Variants in BICRA observed in about 807,000 individuals in gnomAD.
The protein encoded by BICRA is BRD4 interacting chromatin remodeling complex associated protein, also known as BRD4-interacting chromatin-remodeling complex-associated protein.
In BICRA, 31 loss-of-function variants were observed where a neutral mutation model predicts 96.9. That is an observed-to-expected ratio of 0.32 (90% confidence interval 0.24 to 0.43). The LOEUF is 0.43. Among genes scored for constraint, BICRA ranks in the 20% least tolerant of loss-of-function variants. The probability of loss-of-function intolerance (pLI) is 1.00; values close to 1 mark genes in which losing one functional copy is unlikely to be tolerated. For missense variants in BICRA, 2,283 were observed against 2,190.3 expected (o/e 1.04, Z -0.84); for synonymous variants, 1,350 against 1,071.8 (o/e 1.26, Z -5.07).
At chr19:47,620,262 G>T (rs1972045638) in intron 1 of BICRA, among the ~76,000 whole-genome samples, 1 of 152,128 alleles carries the variant, frequency 6.6e-6, no homozygotes, top group Non-Finnish European at 1.5e-5. Context: ...TGCAGTAGGT[G>T]CTCTGTAGAT....
In BICRA at chr19:47,675,715, A is replaced by G. The variant is rs896559174; in HGVS notation, c.85-136A>G. 2.2e-5 allele frequency: 16 copies of G among 711,344 alleles called. No homozygotes were observed. The highest frequency in any genetic ancestry group is 3.5e-5 in the Non-Finnish European group (14 of 401,162). 44.1% of individuals were successfully genotyped at this position (711,344 alleles called of 1,614,324 possible). ...TTTGGGGCCTCTTTTCGGAGGCGAG[A>G]GTTTCCCATACCCCCAGCCCTCTCC... is the stretch of plus-strand genomic sequence containing the variant. On this transcript the variant is annotated intron_variant, in intron 4 of 14. Coordinates refer to ENST00000594866, the MANE Select transcript of BICRA (RefSeq NM_001394372.1). This position sits in a 1 kb window ranked among gnomAD's most constrained non-coding sequence, Gnocchi z 4.7.
chr19:47,681,651 C>A (rs1032504462), intron 6 of BICRA, among the ~76,000 whole-genome samples: 3 of 151,674 alleles, frequency 2.0e-5, no homozygotes, highest in African/African-American at 7.3e-5. Flanking sequence ...ACCCGACGGA[C>A]AGAGAAGGGC....
chr19:47,608,860 A>G (rs1245165829), upstream of BICRA, among the ~76,000 whole-genome samples: 4 of 136,340 alleles, frequency 2.9e-5, no homozygotes, highest in Non-Finnish European at 6.4e-5. Context: ...AGGAGGAGGA[A>G]GGGGGTGGGG....
intron 1 of BICRA, among the ~76,000 whole-genome samples, chr19:47,655,525 CAAAAA>C (rs58172799): frequency 1.9e-3 from 124 of 65,096 alleles, no homozygotes; most frequent in Middle Eastern, 0.012. Context: ...AACTCTGTCT[CAAAAA>C]AAAAAAAAAA....
intron 5 of BICRA, among the ~76,000 whole-genome samples, chr19:47,676,966 A>G (rs925803646): frequency 2.0e-5 from 3 of 152,072 alleles, no homozygotes; most frequent in African/African-American, 7.2e-5. Flanking sequence ...TCTGGCAGTT[A>G]AGAGCTCAGG....
chr19:47,683,654 T>G (rs8113409), intron 7 of BICRA, among the ~76,000 whole-genome samples: 66,805 of 150,916 alleles, frequency 0.44, 15,227 homozygotes, highest in East Asian at 0.62. Context: ...TCGCGATCTC[T>G]GCTCACTGCA....
chr19:47,612,743 A>C (rs963965698), intron 1 of BICRA, among the ~76,000 whole-genome samples: 2 of 151,950 alleles, frequency 1.3e-5, no homozygotes, highest in Non-Finnish European at 2.9e-5. Flanking sequence ...CAGGGGAAGC[A>C]TGTTCCACGG....
At chr19:47,654,727 A>C (rs1972588856) in intron 1 of BICRA, among the ~76,000 whole-genome samples, 1 of 151,250 alleles carries the variant, frequency 6.6e-6, no homozygotes, top group Non-Finnish European at 1.5e-5. Flanking sequence ...CTGAGGTGGG[A>C]AGATTACTTG....
chr19:47,636,349 G>C (rs1384146700), intron 1 of BICRA, among the ~76,000 whole-genome samples: 5 of 152,144 alleles, frequency 3.3e-5, no homozygotes, highest in Non-Finnish European at 7.3e-5. Flanking sequence ...TGGGACTACA[G>C]GCATGTGCCA....
chr19:47,694,496 G>GCCT lies in BICRA; in HGVS notation c.2673_2675dup (p.Ser892dup). The GCCT allele has an allele frequency of 6.3e-7, 1 of 1,582,214 alleles. No individual in the cohort carries two copies. The highest frequency in any genetic ancestry group is 8.6e-7 in the Non-Finnish European group (1 of 1,158,042). On this transcript the variant is annotated inframe_insertion, in exon 8 of 15. Coordinates refer to ENST00000594866, the MANE Select transcript of BICRA (RefSeq NM_001394372.1). ...TCCATCCTCCACCTCCTCTGCTGTG[G>GCCT]CCTCCTCCTCTGAGACGTCCTCCAG...
chr19:47,692,929 A>C (rs1420102748), intron 7 of BICRA, among the ~76,000 whole-genome samples: 2 of 152,188 alleles, frequency 1.3e-5, no homozygotes, highest in African/African-American at 4.8e-5. Flanking sequence ...CTCAGAAGTC[A>C]CTGAGCAGTG....
intron 1 of BICRA, among the ~76,000 whole-genome samples, chr19:47,657,399 A>T (rs1008311967): frequency 4.9e-5 from 7 of 142,562 alleles, no homozygotes; most frequent in African/African-American, 7.7e-5. Context: ...CTGCTGTGAA[A>T]TTTTTTTTTT....
At chr19:47,615,258 A>G (rs1279031049) in intron 1 of BICRA, among the ~76,000 whole-genome samples, 1 of 152,250 alleles carries the variant, frequency 6.6e-6, no homozygotes, top group Non-Finnish European at 1.5e-5. Flanking sequence ...CTGGGATTAC[A>G]GGCGTGAGCC....
At chr19:47,694,092 CT>C (rs1973283971) in intron 7 of BICRA, 22 bp from the exon 8 acceptor site, 3 of 1,408,822 alleles carry the variant, frequency 2.1e-6, no homozygotes, top group South Asian at 1.5e-5. Context: ...CGCCCCTCCC[CT>C]CTCCCTCCCT....
In BICRA at chr19:47,701,450, C is replaced by A; in HGVS notation, c.3718C>A (p.Pro1240Thr). 1 of 1,567,594 alleles carries A rather than the reference C, an allele frequency of 6.4e-7. No homozygotes were observed. The highest frequency in any genetic ancestry group is 8.6e-7 in the Non-Finnish European group (1 of 1,157,402). Reference sequence around the variant, plus strand: ...TCCCGGGGCCTCCACCCAGCCCCCTCCACACCTGCCCACCAAGCTTGTGAT... The same window carrying A: ...TCCCGGGGCCTCCACCCAGCCCCCTACACACCTGCCCACCAAGCTTGTGAT... ...SAPGASTQPP[P>T]HLPTKLVIRH... is the part of the protein sequence containing the mutation. Residue 1240 changes from proline to threonine, a missense_variant, in exon 15 of 15, where the codon CCA becomes ACA. Coordinates refer to ENST00000594866, the MANE Select transcript of BICRA (RefSeq NM_001394372.1). The surrounding 1 kb of genome is among the most constrained non-coding windows in gnomAD (Gnocchi z 5.4).
At chr19:47,628,747 G>A (rs955596992) in intron 1 of BICRA, among the ~76,000 whole-genome samples, 2 of 152,154 alleles carry the variant, frequency 1.3e-5, no homozygotes, top group South Asian at 4.2e-4. Flanking sequence ...TGGGGCTACA[G>A]GCACATGCCA....
At chr19:47,659,042 C>T (rs1399185329) in intron 1 of BICRA, among the ~76,000 whole-genome samples, 1 of 152,182 alleles carries the variant, frequency 6.6e-6, no homozygotes. Context: ...AAAATCCAAA[C>T]CCTTTTGAGA....
chr19:47,664,141 A>T (rs901388241), intron 1 of BICRA, among the ~76,000 whole-genome samples: 1 of 152,210 alleles, frequency 6.6e-6, no homozygotes, highest in Non-Finnish European at 1.5e-5. Context: ...TTATCAGCAA[A>T]TGATATCGTT....
At chr19:47,656,110 A>ACACT (rs1491486939) in intron 1 of BICRA, among the ~76,000 whole-genome samples, 8 of 123,372 alleles carry the variant, frequency 6.5e-5, no homozygotes, top group Admixed American at 8.8e-5. Flanking sequence ...ACACACACAC[A>ACACT]CTCTGAATAA....
Sources: gnomAD v4.1 joint callset for allele counts (sites outside exome capture counted in the v4.1 genomes callset) on GRCh38, gnomAD v4.1.1 for gene constraint, Gnocchi (gnomAD v3.1) non-coding constraint, MANE v1.5 for transcripts, NCBI Gene and HGNC (gene_info 2026-07-23, HGNC 2026-07-21) for gene names.